CDH13: variants seen among roughly 807,000 people sequenced by gnomAD.
CDH13 encodes the protein cadherin-13.
A neutral mutation model predicts 63.8 loss-of-function variants in CDH13; 24 were observed. That is an observed-to-expected ratio of 0.38 (90% CI 0.27 to 0.53). CDH13 has a LOEUF of 0.53. Ranked by LOEUF, CDH13 falls within the 20% of genes least tolerant of loss-of-function variation. The pLI is 0.85. For synonymous variants in CDH13, 503 were observed against 355.3 expected (o/e 1.42, Z -4.67); for missense variants, 1,049 against 903.1 (o/e 1.16, Z -2.07).
chr16:82,969,182 C>A (rs1908320083), intron 2 of CDH13, among the ~76,000 whole-genome samples: 1 of 152,120 alleles, frequency 6.6e-6, no homozygotes, highest in South Asian at 2.1e-4. Context: ...ATTGTGTAAA[C>A]CAAAGGCCAG....
chr16:83,013,525 A>G (rs759702697), intron 2 of CDH13, among the ~76,000 whole-genome samples: 1 of 152,198 alleles, frequency 6.6e-6, no homozygotes, highest in Non-Finnish European at 1.5e-5. Flanking sequence ...TACACACCTC[A>G]AACCCCAATC....
At chr16:82,851,023 C>T (rs2039459060) in intron 1 of CDH13, among the ~76,000 whole-genome samples, 1 of 152,156 alleles carries the variant, frequency 6.6e-6, no homozygotes, top group Admixed American at 6.5e-5. Context: ...GGAACCGAAC[C>T]TGCAGTATCT....
intron 6 of CDH13, among the ~76,000 whole-genome samples, chr16:83,462,540 C>G (rs532688935): frequency 9.8e-5 from 15 of 152,332 alleles, no homozygotes; most frequent in African/African-American, 3.4e-4. Context: ...AGTTTGAGGT[C>G]AGGAGTTTGA....
chr16:83,153,311 G>A (rs1049540014), intron 4 of CDH13, among the ~76,000 whole-genome samples: 7 of 152,098 alleles, frequency 4.6e-5, no homozygotes, highest in African/African-American at 2.4e-5. Flanking sequence ...AGATGGGCCA[G>A]TGTCTCTATC....
At chr16:82,639,244 C>A in intron 1 of CDH13, 1 of 568,614 alleles carries the variant, frequency 1.8e-6, no homozygotes, top group South Asian at 3.4e-5. Context: ...TTCCTAGTCT[C>A]TCAAAGTGGG....
rs142431944 is a variant in CDH13 at position 83,675,079 on chromosome 16, A to G, written c.1285-3129A>G. Among the ~76,000 whole-genome samples the G allele has an allele frequency of 5.3e-5, 8 of 152,304 alleles. No individual in the cohort carries two copies. In the East Asian group the frequency reaches 1.4e-3, roughly 26 times the overall value. On this transcript the variant is annotated intron_variant, in intron 9 of 13. Transcript: ENST00000567109. ...TTACACCCTCTCTTGTCACTTGAAAAAATATTAATTGAATTGCCTCTCTGT... is the reference window on the plus strand; with the variant it reads ...TTACACCCTCTCTTGTCACTTGAAAGAATATTAATTGAATTGCCTCTCTGT...
At chr16:83,725,207 G>A (rs392770) in intron 10 of CDH13, among the ~76,000 whole-genome samples, 33,450 of 152,162 alleles carry the variant, frequency 0.22, 4,601 homozygotes, top group Non-Finnish European at 0.31. Context: ...GTAGACCAGG[G>A]CAAGGATGTT....
At chr16:82,961,998 C>T (rs1278160084) in intron 2 of CDH13, among the ~76,000 whole-genome samples, 1 of 152,122 alleles carries the variant, frequency 6.6e-6, no homozygotes, top group African/African-American at 2.4e-5. Context: ...CACCAGTTAC[C>T]TGGATGTAAA....
chr16:83,463,990 C>T (rs994327171), intron 6 of CDH13, among the ~76,000 whole-genome samples: 8 of 152,032 alleles, frequency 5.3e-5, no homozygotes, highest in African/African-American at 1.7e-4. Context: ...AGAAGGGGGT[C>T]GTCTGGAGTG....
chr16:83,322,939 A>T, intron 5 of CDH13, among the ~76,000 whole-genome samples: 1 of 152,108 alleles, frequency 6.6e-6, no homozygotes, highest in Non-Finnish European at 1.5e-5. Context: ...GTTGACTTTT[A>T]ATTCTGAGAA....
chr16:83,403,625 A>AAATAAT lies in CDH13; in HGVS notation c.781+58638_781+58643dup, dbSNP rs34397198. ...GCGACAGAGCGAGACTCCGTCTCAAAAATAATAATAATAATAATAATAATG... is the reference window on the plus strand; with the variant it reads ...GCGACAGAGCGAGACTCCGTCTCAAAAATAATAATAATAATAATAATAATAATAATG... On this transcript the variant is annotated intron_variant, in intron 6 of 13. Coordinates refer to ENST00000567109, the MANE Select transcript of CDH13 (RefSeq NM_001257.5). 4.3e-3 allele frequency among the ~76,000 whole-genome samples: 658 copies of AAATAAT among 151,350 alleles called. 7 individuals carry two copies. The highest frequency in any genetic ancestry group is 0.014 in the African/African-American group (573 of 41,280).
At chr16:82,931,492 A>G (rs2042489869) in intron 2 of CDH13, among the ~76,000 whole-genome samples, 1 of 149,518 alleles carries the variant, frequency 6.7e-6, no homozygotes, top group Non-Finnish European at 1.5e-5. Flanking sequence ...GGAAGCTAGA[A>G]TTGGACCTTG....
intron 7 of CDH13, among the ~76,000 whole-genome samples, chr16:83,509,747 T>A (rs903866491): frequency 3.3e-5 from 5 of 152,222 alleles, no homozygotes; most frequent in Non-Finnish European, 7.3e-5. Flanking sequence ...TAATAAAAAC[T>A]AAGTTTTATT....
chr16:83,479,606 A>G (rs71402085), intron 6 of CDH13, among the ~76,000 whole-genome samples: 17,351 of 152,126 alleles, frequency 0.11, 1,087 homozygotes, highest in Non-Finnish European at 0.14. Flanking sequence ...GCAGTGAGCC[A>G]AGATTGCACC....
At chr16:82,985,751 G>A (rs758095128) in intron 2 of CDH13, among the ~76,000 whole-genome samples, 1 of 152,148 alleles carries the variant, frequency 6.6e-6, no homozygotes, top group African/African-American at 2.4e-5. Flanking sequence ...GTGGGACCTG[G>A]TGGGAGGTGA....
intron 11 of CDH13, among the ~76,000 whole-genome samples, chr16:83,774,763 T>C (rs1016868002): frequency 4.6e-5 from 7 of 152,136 alleles, no homozygotes. Flanking sequence ...AGTGGAATGG[T>C]GGCTGCCAGG....
At chr16:82,815,316 C>T (rs568781301) in intron 1 of CDH13, among the ~76,000 whole-genome samples, 1 of 152,108 alleles carries the variant, frequency 6.6e-6, no homozygotes, top group African/African-American at 2.4e-5. Flanking sequence ...CAGAGACAGT[C>T]GACTTGCCTC....
intron 4 of CDH13, among the ~76,000 whole-genome samples, chr16:83,147,988 C>T (rs527473360): frequency 5.9e-5 from 9 of 152,302 alleles, no homozygotes; most frequent in African/African-American, 2.2e-4. Flanking sequence ...GGCTGGAGTA[C>T]AGTGGTACGA....
At chr16:82,715,776 G>T (rs1286366747) in intron 1 of CDH13, among the ~76,000 whole-genome samples, 3 of 152,106 alleles carry the variant, frequency 2.0e-5, no homozygotes, top group African/African-American at 4.8e-5. Flanking sequence ...CGATGATGGG[G>T]TTTTTTCTTT....
Sources: gnomAD v4.1 joint callset for allele counts (sites outside exome capture counted in the v4.1 genomes callset) on GRCh38, gnomAD v4.1.1 for gene constraint, MANE v1.5 for transcripts, NCBI Gene and HGNC (gene_info 2026-07-23, HGNC 2026-07-21) for gene names.